AGO3: variants seen among roughly 807,000 people sequenced by gnomAD.
AGO3 encodes the protein protein argonaute-3.
A neutral mutation model predicts 105.5 loss-of-function variants in AGO3; 16 were observed. The ratio of observed to expected loss-of-function variants is 0.15; its 90% CI spans 0.10 to 0.23. AGO3 has a LOEUF of 0.23. Ranked by LOEUF, AGO3 falls within the 10% of genes least tolerant of loss-of-function variation. The probability of loss-of-function intolerance (pLI) is 1.00; values close to 1 mark genes in which losing one functional copy is unlikely to be tolerated. For missense variants in AGO3, 534 were observed against 1,088.0 expected (o/e 0.49, Z 7.16); for synonymous variants, 340 against 367.3 (o/e 0.93, Z 0.85).
intron 12 of AGO3, among the ~76,000 whole-genome samples, chr1:36,033,486 TAA>T (rs879885489): frequency 7.4e-6 from 1 of 134,408 alleles, no homozygotes. Flanking sequence ...TCTACTTAAA[TAA>T]AAAAAAAAAG....
At chr1:35,971,866 A>G (rs895897584) in intron 3 of AGO3, among the ~76,000 whole-genome samples, 158 bp from the exon 4 acceptor site, 3 of 152,040 alleles carry the variant, frequency 2.0e-5, no homozygotes, top group Admixed American at 6.5e-5. Context: ...ACGAGTAACT[A>G]TGTTATTTAA....
At chr1:35,961,137 G>C (rs1174421629) in intron 2 of AGO3, among the ~76,000 whole-genome samples, 2 of 148,218 alleles carry the variant, frequency 1.3e-5, no homozygotes, top group Non-Finnish European at 3.0e-5. Flanking sequence ...ATTTTTAGTT[G>C]AGACAGGGTT....
At chr1:35,948,527 C>T (rs925787919) in intron 2 of AGO3, among the ~76,000 whole-genome samples, 3 of 150,992 alleles carry the variant, frequency 2.0e-5, no homozygotes, top group African/African-American at 4.9e-5. Flanking sequence ...CCACTGTGCC[C>T]GGCCGGAACA....
rs529222047 is a variant in AGO3 at position 35,951,576 on chromosome 1, A to G, written c.191+5713A>G. Among the ~76,000 whole-genome samples the G allele has an allele frequency of 4.6e-5, 7 of 151,766 alleles. 1 individual carries two copies. In the South Asian group the frequency reaches 1.5e-3, roughly 32 times the overall value. On this transcript the variant is annotated intron_variant, in intron 2 of 18. Coordinates refer to ENST00000373191, the MANE Select transcript of AGO3 (RefSeq NM_024852.4). The stretch of plus-strand genomic sequence containing the variant: ...GCTAATTTTTCTACTTTTTGTAGAG[A>G]CAGAGTTTAGCTATGTTGCCCAGGC...
intron 9 of AGO3, among the ~76,000 whole-genome samples, chr1:36,012,384 G>A (rs964638361): frequency 4.6e-5 from 7 of 151,650 alleles, no homozygotes; most frequent in Non-Finnish European, 1.0e-4. Context: ...TGCTTATTGT[G>A]GAGAGATTCT....
At chr1:35,944,394 TTGTC>T (rs765962417) in intron 1 of AGO3, among the ~76,000 whole-genome samples, 1 of 152,114 alleles carries the variant, frequency 6.6e-6, no homozygotes, top group Non-Finnish European at 1.5e-5. Flanking sequence ...CTCTAGGAAT[TTGTC>T]TGTTTCATCA....
At chr1:36,005,325 G>A (rs1448688943) in intron 6 of AGO3, among the ~76,000 whole-genome samples, 1 of 152,108 alleles carries the variant, frequency 6.6e-6, no homozygotes, top group Admixed American at 6.6e-5. Flanking sequence ...AAATCAATTA[G>A]AGTAGTTTAA....
At chr1:35,995,964 C>G (rs1271463607) in intron 5 of AGO3, among the ~76,000 whole-genome samples, 1 of 152,042 alleles carries the variant, frequency 6.6e-6, no homozygotes, top group East Asian at 1.9e-4. Flanking sequence ...CAGGCATAAG[C>G]CACTGCACCC....
At chr1:35,983,931 A>G (rs1009634574) in intron 5 of AGO3, among the ~76,000 whole-genome samples, 2 of 152,238 alleles carry the variant, frequency 1.3e-5, no homozygotes, top group Non-Finnish European at 2.9e-5. Context: ...ATGAAAATCT[A>G]TAATGGTGGG....
rs564691950 is a variant in AGO3, at chr1:36,013,094, AC to A, written c.1150-534del. ...TGGGACCACAGGCACACAGCACCAC[AC>A]CTGGCTAATTCTTTTTAATTTTTTG... On this transcript the variant is annotated intron_variant, in intron 9 of 18. Transcript: ENST00000373191. Among the ~76,000 whole-genome samples, 38 of 151,720 alleles carry A rather than the reference AC, an allele frequency of 2.5e-4. No homozygotes were observed. The East Asian group carries it at 6.6e-3, about 26-fold the overall frequency.
chr1:36,027,903 G>A lies in AGO3; in HGVS notation c.1591+605G>A, dbSNP rs1641582348. ...TATCAGTATAATGTAGTGGTTAAAA[G>A]CACAGGCTATCAAATTAAACTGTGT... On this transcript the variant is annotated intron_variant, in intron 12 of 18. Transcript: ENST00000373191. This position sits in a 1 kb window ranked among gnomAD's most constrained non-coding sequence, Gnocchi z 4.0. Among the ~76,000 whole-genome samples the A allele has an allele frequency of 6.6e-6, 1 of 152,164 alleles. No homozygotes were observed. The highest frequency in any genetic ancestry group is 6.5e-5 in the Admixed American group (1 of 15,274).
At chr1:35,939,827 A>G (rs1283048590) in intron 1 of AGO3, among the ~76,000 whole-genome samples, 1 of 152,214 alleles carries the variant, frequency 6.6e-6, no homozygotes, top group African/African-American at 2.4e-5. Flanking sequence ...CCCACCACCC[A>G]AACGCAGTCA....
rs1320500966 is a variant in AGO3, at chr1:36,058,421, T to C, written c.*2676T>C. ...GGGGAGCTTTGCACTTTGTAACTCA[T>C]GAAAATTGCATTTTGATTTTTTTTT... On this transcript the variant is annotated 3_prime_UTR_variant, in exon 19 of 19. Transcript: ENST00000373191. The C allele has an allele frequency of 6.6e-6, 1 of 152,058 alleles. No homozygotes were observed. 9.4% of individuals were successfully genotyped at this position (152,058 alleles called of 1,614,324 possible).
intron 5 of AGO3, among the ~76,000 whole-genome samples, chr1:35,989,822 C>G (rs1319530601): frequency 6.6e-6 from 1 of 151,822 alleles, no homozygotes; most frequent in Non-Finnish European, 1.5e-5. Flanking sequence ...TCCAGTGAGC[C>G]ATGATCTCAC....
intron 17 of AGO3, among the ~76,000 whole-genome samples, chr1:36,046,219 G>T (rs1219841264): frequency 1.3e-5 from 2 of 152,118 alleles, no homozygotes; most frequent in African/African-American, 4.8e-5. Flanking sequence ...AGCAGCTACT[G>T]CACTACTCCA....
rs11807761 is a variant in AGO3 at position 35,945,937 on chromosome 1, C to T, written c.191+74C>T. ...AATTATCCATGTTTATTTTGTATAT[C>T]TGAATAACAATTACAATGTGTAACA... On this transcript the variant is annotated intron_variant, in intron 2 of 18. Coordinates refer to ENST00000373191, the MANE Select transcript of AGO3 (RefSeq NM_024852.4). 11,393 of 1,428,088 alleles carry T rather than the reference C, an allele frequency of 8.0e-3. 781 individuals are homozygous for T. The African/African-American group carries it at 0.15, about 18-fold the overall frequency. The allele number at this position is 1,428,088 out of a possible 1,614,324, so 88.5% of individuals were successfully genotyped here.
rs1643027689 is a variant in AGO3 at position 36,061,586 on chromosome 1, A to C, written c.*5841A>C. ...ATCAGGTAAATGGTGTGACAAAATT[A>C]GAATCCTGTCAAATCACCTATCCAG... On this transcript the variant is annotated 3_prime_UTR_variant, in exon 19 of 19. Coordinates refer to ENST00000373191, the MANE Select transcript of AGO3 (RefSeq NM_024852.4). 1 of 152,234 alleles carries C rather than the reference A, an allele frequency of 6.6e-6. No homozygotes were observed. Among genetic ancestry groups the C allele is most frequent in the Admixed American group, 6.5e-5 (1 of 15,282 alleles). The allele number at this position is 152,234 out of a possible 1,614,324, so 9.4% of individuals were successfully genotyped here.
chr1:36,006,917 T>C lies in AGO3; in HGVS notation c.794-1773T>C, dbSNP rs145921225. On this transcript the variant is annotated intron_variant, in intron 6 of 18. Transcript: ENST00000373191. ...GTTTGGTACTAATTTTCTTACCTAA[T>C]TGCAGGTAGCAGTTAGGTAAGAAAA... Among the ~76,000 whole-genome samples the C allele has an allele frequency of 1.6e-3, 244 of 152,366 alleles. 1 individual carries two copies. Among genetic ancestry groups the C allele is most frequent in the African/African-American group, 5.6e-3 (233 of 41,590 alleles).
At chr1:36,015,364 A>G (rs1434432982) in intron 11 of AGO3, among the ~76,000 whole-genome samples, 2 of 152,202 alleles carry the variant, frequency 1.3e-5, no homozygotes, top group Non-Finnish European at 2.9e-5. Flanking sequence ...GCTGGCCAGA[A>G]GCTCTCCAAA....
Sources: allele counts gnomAD v4.1 joint callset (sites outside exome capture counted in the v4.1 genomes callset), GRCh38; gene constraint gnomAD v4.1.1; non-coding constraint Gnocchi (gnomAD v3.1); transcripts MANE v1.5; gene names NCBI Gene and HGNC (gene_info 2026-07-23, HGNC 2026-07-21).